Variants in WWOX observed in about 807,000 individuals in gnomAD.
WWOX encodes the protein WW domain-containing oxidoreductase.
In WWOX, 69 loss-of-function variants were observed where a neutral mutation model predicts 46.2. The ratio of observed to expected loss-of-function variants is 1.49; its 90% CI spans 1.23 to 1.82. The LOEUF is 1.82. WWOX is among the 40% of genes most tolerant of loss of function. WWOX has a pLI of 0.00. For missense variants in WWOX, 919 were observed against 542.6 expected (o/e 1.69, Z -6.89); for synonymous variants, 359 against 202.6 (o/e 1.77, Z -6.56).
chr16:78,211,885 C>G (rs2036570476), intron 5 of WWOX, among the ~76,000 whole-genome samples: 1 of 152,176 alleles, frequency 6.6e-6, no homozygotes, highest in Non-Finnish European at 1.5e-5. Context: ...AATCCAGGCT[C>G]TGTCATTAAC....
intron 8 of WWOX, among the ~76,000 whole-genome samples, chr16:78,616,127 G>A (rs374595139): frequency 2.6e-5 from 4 of 151,970 alleles, no homozygotes; most frequent in Non-Finnish European, 5.9e-5. Context: ...TGTGTCTTTG[G>A]CCTGGAAAGG....
chr16:79,021,392 G>A (rs973270446), intron 8 of WWOX, among the ~76,000 whole-genome samples: 4 of 152,126 alleles, frequency 2.6e-5, no homozygotes, highest in African/African-American at 9.7e-5. Context: ...TGGGCATTTG[G>A]TGCCCTTTGC....
intron 8 of WWOX, among the ~76,000 whole-genome samples, chr16:78,514,558 G>T (rs1280594015): frequency 6.6e-6 from 1 of 152,118 alleles, no homozygotes; most frequent in Admixed American, 6.5e-5. Context: ...CTGAGCTCTT[G>T]GTGCTGATAA....
intron 8 of WWOX, among the ~76,000 whole-genome samples, chr16:78,500,376 C>G (rs1450348154): frequency 6.8e-6 from 1 of 148,054 alleles, no homozygotes; most frequent in Non-Finnish European, 1.5e-5. Flanking sequence ...AACATTTTTG[C>G]ATTTCTTTCT....
At chr16:79,004,168 C>G (rs902697235) in intron 8 of WWOX, 2 of 152,196 alleles carry the variant, frequency 1.3e-5, no homozygotes, top group Admixed American at 6.5e-5. Context: ...AGAGAGAAGA[C>G]CACTGGTTTT....
At chr16:78,506,102 T>C (rs1457025732) in intron 8 of WWOX, among the ~76,000 whole-genome samples, 1 of 152,076 alleles carries the variant, frequency 6.6e-6, no homozygotes, top group African/African-American at 2.4e-5. Flanking sequence ...CAGCAGGGGC[T>C]GCCTGGAGAA....
chr16:78,706,224 T>C (rs2048326409), intron 8 of WWOX, among the ~76,000 whole-genome samples: 1 of 152,156 alleles, frequency 6.6e-6, no homozygotes, highest in Non-Finnish European at 1.5e-5. Flanking sequence ...TATGTGTAGC[T>C]TTTTAGATTC....
chr16:78,782,917 A>G (rs1471819736), intron 8 of WWOX, among the ~76,000 whole-genome samples: 1 of 152,190 alleles, frequency 6.6e-6, no homozygotes, highest in Admixed American at 6.5e-5. Context: ...ATCTATTACA[A>G]AGGCTCTTTT....
In WWOX at chr16:78,542,018, C is replaced by CAAAAAAAA. The variant is rs548366256; in HGVS notation, c.1056+109287_1056+109294dup. Among the ~76,000 whole-genome samples, 49 of 40,632 alleles carry CAAAAAAAA rather than the reference C, an allele frequency of 1.2e-3. 12 individuals carry two copies. The highest frequency in any genetic ancestry group is 5.1e-3 in the East Asian group (5 of 982). The allele number at this position is 40,632 out of a possible 152,430, so 26.7% of individuals were successfully genotyped here. A position where few individuals can be genotyped will look rare whatever the true frequency, so the allele number is the denominator to read the frequency against. ...GAGGGTTTCTTTCAACAGAGTATAC[C>CAAAAAAAA]AAAAAAAAAAAAAAAAAAAAAAAAA... On this transcript the variant is annotated intron_variant, in intron 8 of 8. Coordinates refer to ENST00000566780, the MANE Select transcript of WWOX (RefSeq NM_016373.4).
In WWOX at chr16:79,188,193, G is replaced by C. The variant is rs62040690; in HGVS notation, c.1057-23415G>C. Reference sequence around the variant, plus strand: ...TAAACGAAGCAGAGATGGGAGAAGGGACAAGGTGGGAGGCGGTAGTGGTGC... The same window carrying C: ...TAAACGAAGCAGAGATGGGAGAAGGCACAAGGTGGGAGGCGGTAGTGGTGC... On this transcript the variant is annotated intron_variant, in intron 8 of 8. Transcript: ENST00000566780. Among the ~76,000 whole-genome samples the C allele has an allele frequency of 5.4e-3, 829 of 152,306 alleles. 5 individuals are homozygous for C. Among genetic ancestry groups the C allele is most frequent in the Non-Finnish European group, 8.5e-3 (575 of 68,034 alleles).
chr16:78,189,403 G>T (rs1195813552), intron 5 of WWOX, among the ~76,000 whole-genome samples: 1 of 152,166 alleles, frequency 6.6e-6, no homozygotes, highest in African/African-American at 2.4e-5. Flanking sequence ...TGTCTCCATC[G>T]CTGTCTTTAC....
chr16:78,304,714 C>G (rs1026820706), intron 5 of WWOX, among the ~76,000 whole-genome samples: 12 of 152,174 alleles, frequency 7.9e-5, no homozygotes, highest in African/African-American at 2.7e-4. Context: ...CTATTATGAA[C>G]AACACCATAA....
At chr16:78,564,358 T>C (rs74492198) in intron 8 of WWOX, among the ~76,000 whole-genome samples, 3,694 of 152,330 alleles carry the variant, frequency 0.024, 162 homozygotes, top group African/African-American at 0.084. Flanking sequence ...TTCAGTTATT[T>C]GGTGAGTGAA....
intron 8 of WWOX, among the ~76,000 whole-genome samples, chr16:78,622,793 G>T (rs959078172): frequency 6.6e-6 from 1 of 152,154 alleles, no homozygotes; most frequent in South Asian, 2.1e-4. Context: ...ATACCATTAA[G>T]GTCTTACATG....
chr16:78,205,575 A>C (rs1597350201), intron 5 of WWOX, among the ~76,000 whole-genome samples: 1 of 146,672 alleles, frequency 6.8e-6, no homozygotes, highest in Non-Finnish European at 1.5e-5. Context: ...CAATCCACCC[A>C]CCCTTCCACT....
chr16:78,881,805 TATA>T (rs1179429311), intron 8 of WWOX, among the ~76,000 whole-genome samples: 1 of 152,176 alleles, frequency 6.6e-6, no homozygotes, highest in Non-Finnish European at 1.5e-5. Context: ...ATTTTATGGA[TATA>T]GGCATTTTCT....
At chr16:78,370,952 A>G (rs1459286468) in intron 5 of WWOX, among the ~76,000 whole-genome samples, 1 of 144,984 alleles carries the variant, frequency 6.9e-6, no homozygotes, top group South Asian at 2.2e-4. Context: ...TTTAGAGGTC[A>G]GGTTGCTCTG....
intron 8 of WWOX, among the ~76,000 whole-genome samples, chr16:78,925,066 G>C (rs930897837): frequency 6.6e-6 from 1 of 152,148 alleles, no homozygotes; most frequent in Non-Finnish European, 1.5e-5. Context: ...ATGGTGGTGT[G>C]TGCCTGTAGT....
chr16:78,446,350 G>A (rs186847099), intron 8 of WWOX, among the ~76,000 whole-genome samples: 5 of 152,172 alleles, frequency 3.3e-5, no homozygotes, highest in East Asian at 3.9e-4. Flanking sequence ...CTTTCTCCAT[G>A]GCCTTGGTCA....
Sources: gnomAD v4.1 joint callset for allele counts (sites outside exome capture counted in the v4.1 genomes callset) on GRCh38, gnomAD v4.1.1 for gene constraint, MANE v1.5 for transcripts, NCBI Gene and HGNC (gene_info 2026-07-23, HGNC 2026-07-21) for gene names.